PPP2R1A: variants seen among roughly 807,000 people sequenced by gnomAD.
PPP2R1A encodes protein phosphatase 2 scaffold subunit Aalpha, also known as serine/threonine-protein phosphatase 2A 65 kDa regulatory subunit A alpha isoform.
A neutral mutation model predicts 67.1 loss-of-function variants in PPP2R1A; 15 were observed. That is an observed-to-expected ratio of 0.22 (90% CI 0.15 to 0.34). PPP2R1A has a LOEUF of 0.34. PPP2R1A is among the 10% of genes least tolerant of loss of function. The pLI is 1.00. For synonymous variants in PPP2R1A, 337 were observed against 325.0 expected (o/e 1.04, Z -0.40); for missense variants, 369 against 775.0 (o/e 0.48, Z 6.22).
Position 52,215,795 on chromosome 19 carries a change from G to A in PPP2R1A, c.824G>A (p.Gly275Glu). Residue 275 changes from glycine (G) to glutamate (E), a missense_variant, in exon 7 of 15, where the codon GGG becomes GAG. Physicochemically the swap from Gly to Glu is moderately conservative, Grantham distance 98. This residue lies in a region of PPP2R1A where 276 missense variants were observed against 508.4 expected (regional missense o/e 0.54). Transcript: ENST00000322088. ...TGTCTGCAGCTCCAGAAAGCAGTGG[G>A]GCCTGAGATCACCAAGACAGACCTG... ...DKFTELQKAVGPEITKTDLVP... is the reference protein window; with the variant it reads ...DKFTELQKAVEPEITKTDLVP... The A allele has an allele frequency of 1.2e-6, 2 of 1,613,974 alleles. No homozygotes were observed. Among genetic ancestry groups the A allele is most frequent in the Non-Finnish European group, 1.7e-6 (2 of 1,179,902 alleles).
intron 13 of PPP2R1A, among the ~76,000 whole-genome samples, chr19:52,222,674 A>G (rs1169752604): frequency 6.6e-6 from 1 of 152,220 alleles, no homozygotes; most frequent in Non-Finnish European, 1.5e-5. Context: ...TCAGGAGTTC[A>G]CGACCAGCCT....
In PPP2R1A at chr19:52,222,220, T is replaced by C; in HGVS notation, c.1640T>C (p.Ile547Thr). The C allele has an allele frequency of 6.2e-7, 1 of 1,614,168 alleles. No individual in the cohort carries two copies. Residue 547 changes from isoleucine (I) to threonine (T), a missense_variant, in exon 13 of 15, where the codon ATA (isoleucine) becomes ACA (threonine). Ile to Thr is a moderately conservative substitution (Grantham distance 89, BLOSUM62 -1). This residue lies in a region of PPP2R1A where 276 missense variants were observed against 508.4 expected (regional missense o/e 0.54). Coordinates refer to ENST00000322088, the MANE Select transcript of PPP2R1A (RefSeq NM_014225.6). ...RFNVAKSLQK[I>T]GPILDNSTLQ... The stretch of plus-strand genomic sequence containing the variant: ...AATGTGGCCAAGTCTCTGCAGAAGA[T>C]AGGGCCCATCCTGGACAACAGGTGA...
At chr19:52,218,012 G>C (rs1218384439) in intron 9 of PPP2R1A, among the ~76,000 whole-genome samples, 1 of 152,218 alleles carries the variant, frequency 6.6e-6, no homozygotes, top group East Asian at 1.9e-4. Context: ...GAGTCTGGAA[G>C]GCTGAGGCTA....
At chr19:52,194,867 G>A (rs2089484212) in intron 1 of PPP2R1A, among the ~76,000 whole-genome samples, 1 of 152,190 alleles carries the variant, frequency 6.6e-6, no homozygotes, top group Non-Finnish European at 1.5e-5. Context: ...CAGACCTGAG[G>A]AAATGGGGCA....
At chr19:52,203,984 C>T (rs959781664) in intron 2 of PPP2R1A, among the ~76,000 whole-genome samples, 3 of 152,174 alleles carry the variant, frequency 2.0e-5, no homozygotes, top group African/African-American at 7.2e-5. Flanking sequence ...CCTCCCTGAG[C>T]CCACCACCCT....
chr19:52,205,802 A>G (rs1377337211), intron 2 of PPP2R1A, among the ~76,000 whole-genome samples, 161 bp from the exon 3 acceptor site: 1 of 152,152 alleles, frequency 6.6e-6, no homozygotes, highest in Non-Finnish European at 1.5e-5. Flanking sequence ...CTGTACCTTA[A>G]TATCTGTGGC....
Position 52,221,045 on chromosome 19 carries a change from G to T in PPP2R1A, c.1430G>T (p.Trp477Leu), listed in dbSNP as rs776010903. The T allele has an allele frequency of 6.2e-7, 1 of 1,614,210 alleles. No homozygotes were observed. Among genetic ancestry groups the T allele is most frequent in the African/African-American group, 1.3e-5 (1 of 75,054 alleles). The change falls in exon 12 of 15, where the codon TGG becomes TTG. Residue 477 changes from tryptophan to leucine, a missense_variant. Around this residue, in one of 2 missense-constraint regions of PPP2R1A, gnomAD observed 276 missense variants for 508.4 expected, o/e 0.54. Coordinates refer to ENST00000322088, the MANE Select transcript of PPP2R1A (RefSeq NM_014225.6). The part of the protein sequence containing the change: ...KKLVEKFGKE[W>L]AHATIIPKVL... ...CTAGTGGAAAAGTTTGGGAAGGAGT[G>T]GGCCCATGCCACAATCATCCCCAAG...
chr19:52,212,444 TTTA>T lies in PPP2R1A; in HGVS notation c.504-237_504-235del. The T allele has an allele frequency of 3.7e-6, 2 of 536,558 alleles. No homozygotes were observed. Among genetic ancestry groups the T allele is most frequent in the Non-Finnish European group, 6.6e-6 (2 of 303,926 alleles). 33.2% of individuals were successfully genotyped at this position (536,558 alleles called of 1,614,324 possible). On this transcript the variant is annotated intron_variant, in intron 4 of 14. Transcript: ENST00000322088. The surrounding 1 kb of genome is among the most constrained non-coding windows in gnomAD (Gnocchi z 4.1). Reference sequence around the variant, plus strand: ...TCGTCAGCACTTAGCATTGACTAGATTTATTATGCGCAATCTGCGAAGTGTCTC... The same window carrying T: ...TCGTCAGCACTTAGCATTGACTAGATTTATGCGCAATCTGCGAAGTGTCTC...
At chr19:52,202,129 G>A in intron 2 of PPP2R1A, 95 bp downstream of exon 2, 1 of 1,049,924 alleles carries the variant, frequency 9.5e-7, no homozygotes, top group South Asian at 1.3e-5. Context: ...CATATTGTTT[G>A]TGAATATCTG....
At position 52,211,302 on chromosome 19, in the gene PPP2R1A, C is replaced by T. The variant is rs2089667447; in HGVS notation, c.313C>T (p.Arg105Trp). The change falls in exon 4 of 15, where the codon CGG (arginine) becomes TGG (tryptophan). Residue 105 changes from arginine to tryptophan, a missense_variant. By Grantham distance (101) the Arg-to-Trp change is moderately radical. Coordinates refer to ENST00000322088, the MANE Select transcript of PPP2R1A (RefSeq NM_014225.6). The surrounding 1 kb of genome is among the most constrained non-coding windows in gnomAD (Gnocchi z 5.3). ...SLATVEETVV[R>W]DKAVESLRAI... is the part of the protein sequence containing the mutation. ...GGCCACAGTGGAGGAGACAGTGGTGCGGGACAAGGCAGTGGAGTCCTTACG... is the reference window on the plus strand; with the variant it reads ...GGCCACAGTGGAGGAGACAGTGGTGTGGGACAAGGCAGTGGAGTCCTTACG... 1 of 1,613,282 alleles carries T rather than the reference C, an allele frequency of 6.2e-7. No homozygotes were observed. The highest frequency in any genetic ancestry group is 8.5e-7 in the Non-Finnish European group (1 of 1,179,916).
intron 14 of PPP2R1A, 43 bp downstream of exon 14, chr19:52,225,851 T>C: frequency 6.2e-7 from 1 of 1,611,974 alleles, no homozygotes; most frequent in Non-Finnish European, 8.5e-7. Context: ...AGGGTGGACT[T>C]TGAGGACAGG....
At position 52,194,088 on chromosome 19, in the gene PPP2R1A, CAAAAAA is replaced by C. The variant is rs915576804; in HGVS notation, c.78+3933_78+3938del. On this transcript the variant is annotated intron_variant, in intron 1 of 14. Transcript: ENST00000322088. ...CTGGGCGACAGCAAGACCCTGTCTC[CAAAAAA>C]AAAAAAAAAAAAAAAAAAGAACAAA... is the stretch of plus-strand genomic sequence containing the variant. 3.5e-4 allele frequency among the ~76,000 whole-genome samples: 21 copies of C among 60,506 alleles called. No individual in the cohort carries two copies. In the East Asian group the frequency reaches 3.8e-3, roughly 11 times the overall value. The allele number at this position is 60,506 out of a possible 152,430, so 39.7% of individuals were successfully genotyped here.
At chr19:52,205,329 A>AGT (rs2089591084) in intron 2 of PPP2R1A, among the ~76,000 whole-genome samples, 3 of 152,160 alleles carry the variant, frequency 2.0e-5, no homozygotes, top group Non-Finnish European at 4.4e-5. Flanking sequence ...TTCTTTCAGC[A>AGT]AACCTGAATT....
Position 52,215,903 on chromosome 19 carries a change from G to A in PPP2R1A, c.922+10G>A. 4 of 1,613,882 alleles carry A rather than the reference G, an allele frequency of 2.5e-6. No homozygotes were observed. The highest frequency in any genetic ancestry group is 3.4e-6 in the Non-Finnish European group (4 of 1,179,768). ...TCCCACAAGGTCAAAGGTTGGTGCT[G>A]GCAGCCGGAACACAGCAAGTGGGGT... On this transcript the variant is annotated intron_variant, in intron 7 of 14. Transcript: ENST00000322088.
rs1268365200 is a variant in PPP2R1A, at chr19:52,219,679, T to G, written c.1129-12T>G. 1 of 1,603,666 alleles carries G rather than the reference T, an allele frequency of 6.2e-7. No individual in the cohort carries two copies. Among genetic ancestry groups the G allele is most frequent in the African/African-American group, 1.3e-5 (1 of 74,742 alleles). ...ATTGCATTCTCTCAGAATCCTTCTT[T>G]CCTCTCCTCAGTGCCCTGAGGTACG... On this transcript the variant is annotated splice_polypyrimidine_tract_variant and intron_variant, in intron 9 of 14. Transcript: ENST00000322088. This position sits in a 1 kb window ranked among gnomAD's most constrained non-coding sequence, Gnocchi z 4.0.
intron 1 of PPP2R1A, among the ~76,000 whole-genome samples, chr19:52,200,634 G>A (rs62109205): frequency 0.065 from 9,912 of 152,254 alleles, 370 homozygotes; most frequent in Middle Eastern, 0.12. Context: ...TCTGGAGGCC[G>A]GAAGTCTGAA....
rs1292841755 is a variant in PPP2R1A, at chr19:52,213,485, TTTA to T, written c.807+376_807+378del. Among the ~76,000 whole-genome samples the T allele has an allele frequency of 4.3e-4, 42 of 97,342 alleles. 2 individuals are homozygous for T. Among genetic ancestry groups the T allele is most frequent in the African/African-American group, 2.2e-3 (41 of 18,324 alleles). The allele number at this position is 97,342 out of a possible 152,430, so 63.9% of individuals were successfully genotyped here. A position where few individuals can be genotyped will look rare whatever the true frequency, so the allele number is the denominator to read the frequency against. On this transcript the variant is annotated intron_variant, in intron 6 of 14. Transcript: ENST00000322088. This position sits in a 1 kb window ranked among gnomAD's most constrained non-coding sequence, Gnocchi z 4.2. ...TTTTTTTTTTTTTTTTTTTTTTTTT[TTTA>T]AGATGGAGTCTGTCGCCCAGGCTAG... is the stretch of plus-strand genomic sequence containing the variant.
At chr19:52,195,692 C>T (rs2089491202) in intron 1 of PPP2R1A, among the ~76,000 whole-genome samples, 2 of 152,242 alleles carry the variant, frequency 1.3e-5, no homozygotes, top group Admixed American at 6.5e-5. Context: ...GTAAGTTTAT[C>T]AGTTCATTAT....
In PPP2R1A at chr19:52,215,796, G is replaced by T. The variant is rs755974835; in HGVS notation, c.825G>T (p.Gly275=). The change falls in exon 7 of 15, where the codon GGG becomes GGT. Residue 275 remains glycine (G), a synonymous_variant. Transcript: ENST00000322088. The part of the protein sequence containing the change: ...DKFTELQKAV[G]PEITKTDLVP... The stretch of plus-strand genomic sequence containing the variant: ...GTCTGCAGCTCCAGAAAGCAGTGGG[G>T]CCTGAGATCACCAAGACAGACCTGG... 9 of 1,613,850 alleles carry T rather than the reference G, an allele frequency of 5.6e-6. No individual in the cohort carries two copies. The South Asian group carries it at 9.9e-5, about 18-fold the overall frequency.
Sources: gnomAD v4.1 joint callset for allele counts (sites outside exome capture counted in the v4.1 genomes callset) on GRCh38, gnomAD v4.1.1 for gene constraint, gnomAD v4.1.1 regional missense constraint, Gnocchi (gnomAD v3.1) non-coding constraint, MANE v1.5 for transcripts, NCBI Gene and HGNC (gene_info 2026-07-23, HGNC 2026-07-21) for gene names.